NLGN1: variants seen among roughly 807,000 people sequenced by gnomAD.
The protein encoded by NLGN1 is neuroligin 1.
In NLGN1, 12 loss-of-function variants were observed where a neutral mutation model predicts 65.5. That is an observed-to-expected ratio of 0.18 (90% CI 0.12 to 0.30). NLGN1 has a LOEUF of 0.30. Ranked by LOEUF, NLGN1 falls within the 10% of genes least tolerant of loss-of-function variation. The pLI is 1.00. For synonymous variants in NLGN1, 350 were observed against 359.5 expected, an observed-to-expected ratio of 0.97 and a Z score of 0.30; for missense variants, 750 against 1,007.1, an observed-to-expected ratio of 0.74 and a Z score of 3.46.
intron 2 of NLGN1, among the ~76,000 whole-genome samples, chr3:173,449,486 T>C (rs1465018806): frequency 2.0e-5 from 3 of 152,216 alleles, no homozygotes; most frequent in Non-Finnish European, 4.4e-5. Context: ...CTTCCAACTA[T>C]GTGGTCAATT....
chr3:174,030,689 G>T lies in NLGN1; in HGVS notation c.646+222857G>T, dbSNP rs556606328. Among the ~76,000 whole-genome samples, 72 of 152,218 alleles carry T rather than the reference G, an allele frequency of 4.7e-4. No homozygotes were observed. The Middle Eastern group carries it at 0.017, about 36-fold the overall frequency. On this transcript the variant is annotated intron_variant, in intron 4 of 6. Coordinates refer to ENST00000457714, the Ensembl canonical transcript of NLGN1. The stretch of plus-strand genomic sequence containing the variant: ...TTTAAAAATGCTTAATCCACAGGTG[G>T]TGGCAGGATGGTAGAGGTAAAATAA...
intron 2 of NLGN1, among the ~76,000 whole-genome samples, chr3:173,519,503 A>G (rs937627330): frequency 2.6e-5 from 4 of 152,250 alleles, no homozygotes; most frequent in African/African-American, 9.6e-5. Context: ...GGCTTTGGAA[A>G]CACACCCCTT....
chr3:173,404,978 CAAAT>C (rs1022566639), intron 1 of NLGN1, among the ~76,000 whole-genome samples: 4 of 151,974 alleles, frequency 2.6e-5, no homozygotes, highest in African/African-American at 4.8e-5. Context: ...GATTTTTAGA[CAAAT>C]AGATATAGAT....
chr3:173,532,471 G>A (rs16827600), intron 2 of NLGN1, among the ~76,000 whole-genome samples: 9,913 of 152,024 alleles, frequency 0.065, 462 homozygotes, highest in African/African-American at 0.13. Flanking sequence ...ACCCATAGTC[G>A]TCTTAAAGCA....
At chr3:174,183,205 G>A (rs948855639) in intron 4 of NLGN1, among the ~76,000 whole-genome samples, 1 of 152,114 alleles carries the variant, frequency 6.6e-6, no homozygotes, top group Non-Finnish European at 1.5e-5. Context: ...CTTACTGGAA[G>A]CTCAAAAGTT....
At chr3:173,766,369 G>T (rs919009693) in intron 3 of NLGN1, among the ~76,000 whole-genome samples, 4 of 152,074 alleles carry the variant, frequency 2.6e-5, no homozygotes, top group Non-Finnish European at 5.9e-5. Context: ...GATTACAGGT[G>T]TGAGCCACTG....
At chr3:174,246,592 A>G (rs946547931) in intron 4 of NLGN1, among the ~76,000 whole-genome samples, 2 of 151,938 alleles carry the variant, frequency 1.3e-5, no homozygotes, top group South Asian at 2.1e-4. Context: ...TTAATTTTTC[A>G]ATTTTTTATG....
intron 2 of NLGN1, among the ~76,000 whole-genome samples, chr3:173,435,903 G>A (rs584633): frequency 0.72 from 108,874 of 152,126 alleles, 39,921 homozygotes; most frequent in East Asian, 0.97. Flanking sequence ...AAGGAAGGCT[G>A]ACATCATTTT....
chr3:173,757,097 T>G (rs1289610112), intron 3 of NLGN1, among the ~76,000 whole-genome samples: 1 of 152,024 alleles, frequency 6.6e-6, no homozygotes, highest in Non-Finnish European at 1.5e-5. Context: ...GTAAAAGAAT[T>G]CTGTGTGTAA....
At chr3:174,241,616 T>C (rs1043809907) in intron 4 of NLGN1, among the ~76,000 whole-genome samples, 9 of 151,816 alleles carry the variant, frequency 5.9e-5, no homozygotes, top group Admixed American at 2.6e-4. Context: ...AGGTAGTAAA[T>C]TGATAAATCC....
chr3:173,602,279 T>C (rs1560031861), intron 2 of NLGN1, among the ~76,000 whole-genome samples: 1 of 152,060 alleles, frequency 6.6e-6, no homozygotes, highest in Non-Finnish European at 1.5e-5. Flanking sequence ...TGTTTAGGCA[T>C]ATATTTTTTT....
intron 4 of NLGN1, among the ~76,000 whole-genome samples, chr3:174,088,001 A>G (rs1220046551): frequency 6.6e-6 from 1 of 152,224 alleles, no homozygotes; most frequent in African/African-American, 2.4e-5. Context: ...AAGTGTTAAT[A>G]GGTTTTGCTG....
At chr3:173,672,991 A>C (rs1362761905) in intron 3 of NLGN1, among the ~76,000 whole-genome samples, 2 of 152,150 alleles carry the variant, frequency 1.3e-5, no homozygotes, top group Non-Finnish European at 2.9e-5. Flanking sequence ...ATTTAGAATG[A>C]TGGTTATATT....
At chr3:173,668,809 A>T (rs1272308097) in intron 3 of NLGN1, among the ~76,000 whole-genome samples, 1 of 151,784 alleles carries the variant, frequency 6.6e-6, no homozygotes, top group Non-Finnish European at 1.5e-5. Context: ...TTTTTAGTAG[A>T]GACGGGGTTT....
chr3:173,517,219 TTC>T, intron 2 of NLGN1, among the ~76,000 whole-genome samples: 1 of 152,200 alleles, frequency 6.6e-6, no homozygotes, highest in South Asian at 2.1e-4. Flanking sequence ...CAGTATGAGT[TTC>T]TCATGGCCCT....
intron 4 of NLGN1, among the ~76,000 whole-genome samples, chr3:174,131,734 C>G (rs1903742): frequency 6.6e-6 from 1 of 151,998 alleles, no homozygotes; most frequent in Non-Finnish European, 1.5e-5. Context: ...TATTCAAATA[C>G]TATTAGTGAA....
At chr3:174,074,715 A>G (rs1740553362) in intron 4 of NLGN1, among the ~76,000 whole-genome samples, 3 of 152,200 alleles carry the variant, frequency 2.0e-5, no homozygotes, top group Admixed American at 6.5e-5. Context: ...CCCAGTGCCA[A>G]CTCACTAGTG....
rs572554702 is a variant in NLGN1, at chr3:173,500,530, G to C, written c.-321+65452G>C. 1.1e-4 allele frequency among the ~76,000 whole-genome samples: 16 copies of C among 151,964 alleles called. No individual in the cohort carries two copies. The East Asian group carries it at 3.1e-3, about 29-fold the overall frequency. On this transcript the variant is annotated intron_variant, in intron 2 of 6. Coordinates refer to ENST00000457714, the Ensembl canonical transcript of NLGN1. ...AAAATTCTCTTTTTTTTGTGTGTCT[G>C]TGCCAGGCTTTGGTATCAGGATAAT...
chr3:173,831,293 A>G (rs536450848), intron 4 of NLGN1, among the ~76,000 whole-genome samples: 1 of 152,332 alleles, frequency 6.6e-6, no homozygotes, highest in South Asian at 2.1e-4. Context: ...CATTTGAAAA[A>G]GGTATATATC....
Sources: gnomAD v4.1 joint callset for allele counts (sites outside exome capture counted in the v4.1 genomes callset) on GRCh38, gnomAD v4.1.1 for gene constraint, MANE v1.5 for transcripts, NCBI Gene and HGNC (gene_info 2026-07-23, HGNC 2026-07-21) for gene names.